IGSF11: variants seen among roughly 807,000 people sequenced by gnomAD.
IGSF11 encodes CXADR like 1.
A neutral mutation model predicts 41.0 loss-of-function variants in IGSF11; 22 were observed. That is an observed-to-expected ratio of 0.54 (90% CI 0.38 to 0.77). The LOEUF (loss-of-function observed/expected upper bound fraction) is 0.77, where lower values mean the gene tolerates loss of function less well. IGSF11 is among the 30% of genes least tolerant of loss of function. The pLI is 0.00. For synonymous variants in IGSF11, 219 were observed against 201.3 expected (o/e 1.09, Z -0.74); for missense variants, 444 against 530.8 (o/e 0.84, Z 1.61).
upstream of IGSF11, among the ~76,000 whole-genome samples, chr3:119,036,876 C>A (rs1007220093): frequency 2.0e-5 from 3 of 151,994 alleles, no homozygotes; most frequent in African/African-American, 7.2e-5. Context: ...AGTAAAGGAG[C>A]CCTTTCAATA....
chr3:118,913,612 C>A (rs1373562282), intron 4 of IGSF11, among the ~76,000 whole-genome samples: 3 of 151,730 alleles, frequency 2.0e-5, no homozygotes, highest in Non-Finnish European at 2.9e-5. Flanking sequence ...AACATGAGAA[C>A]AACAACACTC....
At chr3:119,004,375 A>T (rs896224066) in intron 1 of IGSF11, among the ~76,000 whole-genome samples, 1 of 151,118 alleles carries the variant, frequency 6.6e-6, no homozygotes. Flanking sequence ...TAGTCTTGCT[A>T]GCGGTCTATC....
chr3:118,928,891 G>T (rs955795351), intron 2 of IGSF11, among the ~76,000 whole-genome samples, 175 bp from the exon 3 acceptor site: 14 of 151,950 alleles, frequency 9.2e-5, no homozygotes, highest in African/African-American at 3.4e-4. Flanking sequence ...GTATCTTGGG[G>T]TTTTAAATTC....
At chr3:118,927,768 A>G (rs1241357784) in intron 3 of IGSF11, among the ~76,000 whole-genome samples, 1 of 152,198 alleles carries the variant, frequency 6.6e-6, no homozygotes. Flanking sequence ...CACCTCTACC[A>G]CAAGTATTCA....
Position 118,955,942 on chromosome 3 carries a change from T to C in IGSF11, c.53-25667A>G, listed in dbSNP as rs149189104. 6.5e-4 allele frequency among the ~76,000 whole-genome samples: 99 copies of C among 152,308 alleles called. No homozygotes were observed. The East Asian group carries it at 0.011, about 17-fold the overall frequency. ...AACAGAAGGCTGTTTTTCATCTCCA[T>C]TGAAAATCTGTTGTTTAGTATATGT... On this transcript the variant is annotated intron_variant, in intron 1 of 6. Transcript: ENST00000393775.
intron 1 of IGSF11, among the ~76,000 whole-genome samples, chr3:119,029,237 TACACAC>T (rs10662902): frequency 0.11 from 13,621 of 122,988 alleles, 1,024 homozygotes; most frequent in South Asian, 0.25. Context: ...CTTTTGGGAA[TACACAC>T]ACACACACAC....
At chr3:119,023,431 T>C (rs1459510392) in intron 1 of IGSF11, among the ~76,000 whole-genome samples, 2 of 152,154 alleles carry the variant, frequency 1.3e-5, no homozygotes, top group African/African-American at 2.4e-5. Context: ...TTTTACAGCA[T>C]AGTGCTGCTA....
intron 1 of IGSF11, among the ~76,000 whole-genome samples, chr3:118,959,139 A>C (rs1945161284): frequency 6.6e-6 from 1 of 152,208 alleles, no homozygotes; most frequent in South Asian, 2.1e-4. Context: ...GGATTTGGTA[A>C]GGAGTACAAA....
At chr3:118,934,067 T>C (rs753133282) in intron 1 of IGSF11, among the ~76,000 whole-genome samples, 18 of 152,132 alleles carry the variant, frequency 1.2e-4, no homozygotes, top group Non-Finnish European at 2.5e-4. Context: ...AAATTCCTAC[T>C]TCCCTACACC....
rs115528666 is a variant in IGSF11, at chr3:119,083,355, G to A, written c.49+21789C>T. On this transcript the variant is annotated intron_variant, in intron 1 of 6. Transcript: ENST00000354673. ...AGGGCTCAAGTAATCCTCCCGCCTC[G>A]GCCTCCCAGAGTGCTGGGATTACAA... 7.8e-3 allele frequency among the ~76,000 whole-genome samples: 1,187 copies of A among 151,902 alleles called. 21 individuals are homozygous for A. The highest frequency in any genetic ancestry group is 0.027 in the African/African-American group (1,117 of 41,424).
At chr3:118,941,657 A>T (rs1943711118) in intron 1 of IGSF11, among the ~76,000 whole-genome samples, 1 of 152,150 alleles carries the variant, frequency 6.6e-6, no homozygotes, top group Non-Finnish European at 1.5e-5. Context: ...CTACAGAAAA[A>T]CCTATATGCA....
intron 1 of IGSF11, among the ~76,000 whole-genome samples, chr3:118,931,483 C>A (rs954565486): frequency 6.6e-6 from 1 of 152,182 alleles, no homozygotes; most frequent in Non-Finnish European, 1.5e-5. Flanking sequence ...CAAAAACCAT[C>A]AAAGTACTGA....
intron 4 of IGSF11, among the ~76,000 whole-genome samples, chr3:118,910,580 T>C (rs1940152846): frequency 6.6e-6 from 1 of 152,176 alleles, no homozygotes; most frequent in Non-Finnish European, 1.5e-5. Flanking sequence ...GTTTCTAAAA[T>C]GCGTATCTGG....
chr3:119,033,159 T>C (rs1940579468), intron 1 of IGSF11, among the ~76,000 whole-genome samples: 2 of 152,220 alleles, frequency 1.3e-5, no homozygotes, highest in African/African-American at 4.8e-5. Flanking sequence ...AAATGCTATT[T>C]ACAAAAAGAG....
At chr3:119,141,932 A>C (rs2077652705) in intron 1 of IGSF11, among the ~76,000 whole-genome samples, 1 of 152,072 alleles carries the variant, frequency 6.6e-6, no homozygotes, top group Admixed American at 6.6e-5. Flanking sequence ...ACACACTGAA[A>C]GTTTGGGAGG....
At chr3:119,063,053 G>C (rs1942103548) in intron 1 of IGSF11, among the ~76,000 whole-genome samples, 1 of 152,064 alleles carries the variant, frequency 6.6e-6, no homozygotes, top group Non-Finnish European at 1.5e-5. Flanking sequence ...TGTTTTTTGA[G>C]AATATACAAT....
rs900012513 is a variant in IGSF11, at chr3:119,102,696, C to T, written c.49+2448G>A. Among the ~76,000 whole-genome samples the T allele has an allele frequency of 1.3e-5, 2 of 152,202 alleles. 1 individual carries two copies. Among genetic ancestry groups the T allele is most frequent in the South Asian group, 4.2e-4 (2 of 4,812 alleles). Reference sequence around the variant, plus strand: ...CTATCAATTATTTTTGTCCCTAATACTTCTAAATTTTTTGTGGATTCTGTT... The same window carrying T: ...CTATCAATTATTTTTGTCCCTAATATTTCTAAATTTTTTGTGGATTCTGTT... On this transcript the variant is annotated intron_variant, in intron 1 of 6. Transcript: ENST00000354673.
intron 1 of IGSF11, among the ~76,000 whole-genome samples, chr3:119,042,460 G>A (rs1005686169): frequency 1.8e-4 from 28 of 152,166 alleles, no homozygotes; most frequent in Non-Finnish European, 3.1e-4. Context: ...TGACCTTGCC[G>A]GTTATGAGGG....
rs1255184712 is a variant in IGSF11 at position 119,042,260 on chromosome 3, G to T, written c.49+62884C>A. Among the ~76,000 whole-genome samples, 3 of 152,234 alleles carry T rather than the reference G, an allele frequency of 2.0e-5. No individual in the cohort carries two copies. The East Asian group carries it at 5.8e-4, about 29-fold the overall frequency. On this transcript the variant is annotated intron_variant, in intron 1 of 6. Transcript: ENST00000354673. ...AGGCAGCCAGCAGAATCAGAGAGAG[G>T]CCACAGGGTGAAGGAAGCTCATAGT...
Sources: gnomAD v4.1 joint callset for allele counts (sites outside exome capture counted in the v4.1 genomes callset) on GRCh38, gnomAD v4.1.1 for gene constraint, MANE v1.5 for transcripts, NCBI Gene and HGNC (gene_info 2026-07-23, HGNC 2026-07-21) for gene names.